MSRA: variants seen among roughly 807,000 people sequenced by gnomAD.
MSRA encodes the protein methionine sulfoxide reductase A, also known as mitochondrial peptide methionine sulfoxide reductase.
A neutral mutation model predicts 31.3 loss-of-function variants in MSRA; 54 were observed. The observed-to-expected ratio is 1.73, with a 90% CI of 1.39 to 2.17. The LOEUF (loss-of-function observed/expected upper bound fraction) is 2.17, where lower values mean the gene tolerates loss of function less well. MSRA is among the 30% of genes most tolerant of loss of function. MSRA has a pLI of 0.00. For missense variants in MSRA, 507 were observed against 300.9 expected (o/e 1.69, Z -5.07); for synonymous variants, 169 against 116.5 (o/e 1.45, Z -2.90).
At chr8:10,200,679 C>A (rs1173477261) in intron 1 of MSRA, among the ~76,000 whole-genome samples, 3 of 152,198 alleles carry the variant, frequency 2.0e-5, no homozygotes, top group Admixed American at 6.5e-5. Context: ...CGTAGCCTCT[C>A]CTGACATATA....
At chr8:10,101,347 AATT>A (rs1346810768) in intron 1 of MSRA, among the ~76,000 whole-genome samples, 2 of 152,328 alleles carry the variant, frequency 1.3e-5, no homozygotes, top group African/African-American at 4.8e-5. Flanking sequence ...TGTTTTACAA[AATT>A]ATTTTTTTAA....
At chr8:10,383,893 A>G (rs1806224961) in intron 5 of MSRA, among the ~76,000 whole-genome samples, 1 of 152,250 alleles carries the variant, frequency 6.6e-6, no homozygotes, top group South Asian at 2.1e-4. Flanking sequence ...GTCAAAGGAT[A>G]TTAGGGACGG....
intron 1 of MSRA, among the ~76,000 whole-genome samples, chr8:10,154,624 A>G (rs1343685730): frequency 6.6e-6 from 1 of 151,878 alleles, no homozygotes; most frequent in Non-Finnish European, 1.5e-5. Context: ...TGATCCACCC[A>G]CCTCGGCCTC....
chr8:10,377,351 A>C (rs557573390), intron 5 of MSRA, among the ~76,000 whole-genome samples: 2 of 152,388 alleles, frequency 1.3e-5, no homozygotes, highest in Admixed American at 6.5e-5. Context: ...TTTGAGGCAC[A>C]GTTTGCTTTA....
intron 1 of MSRA, among the ~76,000 whole-genome samples, chr8:10,183,292 T>C (rs1356031937): frequency 6.6e-6 from 1 of 152,206 alleles, no homozygotes; most frequent in Admixed American, 6.5e-5. Flanking sequence ...GGACCAAGGC[T>C]GTGTGAGAAC....
chr8:10,163,926 A>G (rs930312495), intron 1 of MSRA, among the ~76,000 whole-genome samples: 3 of 152,216 alleles, frequency 2.0e-5, no homozygotes, highest in African/African-American at 7.2e-5. Context: ...CGTGTCATCT[A>G]GAACCAGCCT....
intron 5 of MSRA, among the ~76,000 whole-genome samples, chr8:10,369,687 G>A (rs897648242): frequency 7.9e-5 from 12 of 152,058 alleles, no homozygotes; most frequent in Admixed American, 2.6e-4. Flanking sequence ...TTATTAATAC[G>A]GGATAGGTAA....
At chr8:10,252,633 A>G (rs1461546611) in intron 3 of MSRA, among the ~76,000 whole-genome samples, 1 of 152,150 alleles carries the variant, frequency 6.6e-6, no homozygotes, top group Non-Finnish European at 1.5e-5. Flanking sequence ...GCTTCTGCAA[A>G]TTGGCTTCCT....
intron 1 of MSRA, among the ~76,000 whole-genome samples, chr8:10,184,165 G>A (rs975477714): frequency 6.6e-6 from 1 of 151,850 alleles, no homozygotes; most frequent in African/African-American, 2.4e-5. Context: ...CTTGATAGTG[G>A]TGTTATTGTT....
chr8:10,319,892 A>G lies in MSRA; in HGVS notation c.446A>G (p.Gln149Arg). 1 of 1,550,640 alleles carries G rather than the reference A, an allele frequency of 6.4e-7. No individual in the cohort carries two copies. Among genetic ancestry groups the G allele is most frequent in the Non-Finnish European group, 8.7e-7 (1 of 1,146,956 alleles). The change falls in exon 5 of 6, where the codon CAG becomes CGG. Residue 149 changes from glutamine (Q) to arginine (R), a missense_variant. Gln to Arg is a conservative substitution (Grantham distance 43). Transcript: ENST00000317173. ...TTTTCTGCTTTCCTAGGTATGCGCC[A>G]GGGGAACGACCATGGCACTCAGTAC... ...ENHDPTQGMR[Q>R]GNDHGTQYRS...
At chr8:10,066,179 G>A (rs557115277) in intron 1 of MSRA, among the ~76,000 whole-genome samples, 1 of 152,054 alleles carries the variant, frequency 6.6e-6, no homozygotes, top group Non-Finnish European at 1.5e-5. Context: ...GCCCAGCAGG[G>A]TTTCCCCATG....
Position 10,428,875 on chromosome 8 carries a change from C to T in MSRA, c.*563C>T, listed in dbSNP as rs1809375496. 1 of 152,900 alleles carries T rather than the reference C, an allele frequency of 6.5e-6. No homozygotes were observed. The highest frequency in any genetic ancestry group is 1.5e-5 in the Non-Finnish European group (1 of 68,620). The allele number at this position is 152,900 out of a possible 1,614,324, so 9.5% of individuals were successfully genotyped here. A position where few individuals can be genotyped will look rare whatever the true frequency, so the allele number is the denominator to read the frequency against. The stretch of plus-strand genomic sequence containing the variant: ...AAATGTTTGTTTTAATAAAAACCTA[C>T]AGTCCAATAATGCCAACTGCCTGAC... On this transcript the variant is annotated 3_prime_UTR_variant, in exon 6 of 6. Transcript: ENST00000317173.
intron 3 of MSRA, among the ~76,000 whole-genome samples, chr8:10,260,125 T>G (rs1046585813): frequency 6.6e-6 from 1 of 152,218 alleles, no homozygotes; most frequent in African/African-American, 2.4e-5. Flanking sequence ...TGATATGATC[T>G]GTCAGAAGAA....
chr8:10,301,219 TC>T (rs1800826510), intron 3 of MSRA, among the ~76,000 whole-genome samples: 1 of 152,212 alleles, frequency 6.6e-6, no homozygotes, highest in Non-Finnish European at 1.5e-5. Context: ...TCAGGGTGGA[TC>T]CATAAGGTTT....
intron 5 of MSRA, among the ~76,000 whole-genome samples, chr8:10,422,087 C>G (rs947319990): frequency 1.3e-5 from 2 of 152,120 alleles, no homozygotes; most frequent in African/African-American, 4.8e-5. Flanking sequence ...TTGAGACCAG[C>G]GTGGACAACA....
intron 1 of MSRA, among the ~76,000 whole-genome samples, chr8:10,152,579 C>G (rs1360587044): frequency 6.6e-6 from 1 of 152,126 alleles, no homozygotes; most frequent in Admixed American, 6.5e-5. Context: ...ATCAGTGAAA[C>G]AAATATTTCT....
intron 5 of MSRA, among the ~76,000 whole-genome samples, chr8:10,396,272 C>G (rs777503034): frequency 2.0e-5 from 3 of 152,208 alleles, no homozygotes; most frequent in Non-Finnish European, 4.4e-5. Flanking sequence ...ACTGTCTCTT[C>G]CTCTCCAACA....
At chr8:10,227,924 C>G (rs965908141) in intron 2 of MSRA, among the ~76,000 whole-genome samples, 2 of 152,148 alleles carry the variant, frequency 1.3e-5, no homozygotes, top group Non-Finnish European at 2.9e-5. Flanking sequence ...GTAAAGAGCA[C>G]AGAAGATAAA....
chr8:10,144,427 C>T (rs901930286), intron 1 of MSRA, among the ~76,000 whole-genome samples: 3 of 152,072 alleles, frequency 2.0e-5, no homozygotes, highest in East Asian at 1.9e-4. Flanking sequence ...GTGAGGATGA[C>T]GTAAGTTAAT....
Sources: allele counts gnomAD v4.1 joint callset (sites outside exome capture counted in the v4.1 genomes callset), GRCh38; gene constraint gnomAD v4.1.1; transcripts MANE v1.5; gene names NCBI Gene and HGNC (gene_info 2026-07-23, HGNC 2026-07-21).